The following ATP8A2 variants were observed in gnomAD, a reference collection of about 807,000 sequenced individuals.
ATP8A2 encodes the protein phospholipid-transporting ATPase IB.
In ATP8A2, 100 loss-of-function variants were observed where a neutral mutation model predicts 165.6. That is an observed-to-expected ratio of 0.60 (90% confidence interval 0.51 to 0.71). The LOEUF (loss-of-function observed/expected upper bound fraction) is 0.71, where lower values mean the gene tolerates loss of function less well. ATP8A2 is among the 30% of genes least tolerant of loss of function. ATP8A2 has a pLI of 0.00. For missense variants in ATP8A2, 1,227 were observed against 1,479.5 expected, an observed-to-expected ratio of 0.83 and a Z score of 2.80; for synonymous variants, 543 against 548.8, an observed-to-expected ratio of 0.99 and a Z score of 0.15.
intron 1 of ATP8A2, among the ~76,000 whole-genome samples, chr13:25,424,817 A>G (rs9511798): frequency 0.42 from 63,418 of 151,840 alleles, 14,276 homozygotes; most frequent in East Asian, 0.59. Context: ...AATTAGCTAG[A>G]TGTGGTGGTG....
chr13:25,536,176 G>A (rs1372522962), intron 6 of ATP8A2, among the ~76,000 whole-genome samples: 2 of 151,944 alleles, frequency 1.3e-5, no homozygotes. Flanking sequence ...CAGTGGTGCC[G>A]TCTTGGCTCA....
intron 25 of ATP8A2, among the ~76,000 whole-genome samples, chr13:25,719,297 A>G (rs1457812022): frequency 6.6e-6 from 1 of 151,724 alleles, no homozygotes; most frequent in Non-Finnish European, 1.5e-5. Context: ...AAGAAAAACA[A>G]TTTGTTGCTT....
chr13:25,606,474 G>T (rs1036915770), intron 24 of ATP8A2, among the ~76,000 whole-genome samples: 24 of 152,170 alleles, frequency 1.6e-4, no homozygotes, highest in Non-Finnish European at 2.6e-4. Flanking sequence ...TCTCTACTCT[G>T]CTTTCAATAG....
At chr13:25,511,664 A>AT (rs139798363) in intron 2 of ATP8A2, among the ~76,000 whole-genome samples, 31 of 151,850 alleles carry the variant, frequency 2.0e-4, no homozygotes, top group African/African-American at 5.8e-4. Context: ...TTTCATCTTC[A>AT]TTTTTTTTCT....
chr13:25,518,879 G>T (rs1040381283), intron 2 of ATP8A2, among the ~76,000 whole-genome samples: 5 of 152,160 alleles, frequency 3.3e-5, no homozygotes, highest in African/African-American at 1.2e-4. Context: ...CCCATGAGTT[G>T]GGCTCCTCAG....
chr13:25,846,722 T>A (rs946698396), intron 30 of ATP8A2, among the ~76,000 whole-genome samples: 14 of 152,186 alleles, frequency 9.2e-5, no homozygotes, highest in African/African-American at 3.4e-4. Flanking sequence ...CAGGCCAGGA[T>A]AATGATTGGA....
In ATP8A2 at chr13:25,913,826, C is replaced by T. The variant is rs1954191140; in HGVS notation, c.3184-47749C>T. ...CTCTGGGAGCAGCTCTGGTTTTTAT[C>T]CCAGAAAGTGTATCCTTTAGCAGGA... On this transcript the variant is annotated intron_variant, in intron 33 of 36. Transcript: ENST00000381655. 2.0e-5 allele frequency among the ~76,000 whole-genome samples: 3 copies of T among 152,228 alleles called. No individual in the cohort carries two copies. The South Asian group carries it at 6.2e-4, about 32-fold the overall frequency.
Position 26,020,298 on chromosome 13 carries a change from C to CATCA in ATP8A2, c.*314_*317dup. The CATCA allele has an allele frequency of 3.0e-6, 1 of 335,918 alleles. No homozygotes were observed. Among genetic ancestry groups the CATCA allele is most frequent in the Non-Finnish European group, 5.5e-6 (1 of 182,160 alleles). 20.8% of individuals were successfully genotyped at this position (335,918 alleles called of 1,614,324 possible). A position where few individuals can be genotyped will look rare whatever the true frequency, so the allele number is the denominator to read the frequency against. ...ACATTATGTTTCACCAATATTTAAA[C>CATCA]ATCAGTACTAGTTGTCCTGGGAGAA... On this transcript the variant is annotated 3_prime_UTR_variant, in exon 37 of 37. Coordinates refer to ENST00000381655, the MANE Select transcript of ATP8A2 (RefSeq NM_016529.6).
chr13:25,688,075 A>G (rs1186760200), intron 24 of ATP8A2, among the ~76,000 whole-genome samples: 2 of 152,058 alleles, frequency 1.3e-5, no homozygotes, highest in South Asian at 2.1e-4. Flanking sequence ...CACTGCCCCA[A>G]CAGCCAGACA....
chr13:25,727,573 C>T (rs1199554200), intron 25 of ATP8A2, among the ~76,000 whole-genome samples: 1 of 152,156 alleles, frequency 6.6e-6, no homozygotes, highest in East Asian at 1.9e-4. Flanking sequence ...CCGGAATAAA[C>T]TTTCCCAGAG....
intron 23 of ATP8A2, among the ~76,000 whole-genome samples, chr13:25,586,436 G>T (rs1004105795): frequency 6.6e-6 from 1 of 152,210 alleles, no homozygotes; most frequent in South Asian, 2.1e-4. Flanking sequence ...GGCCTGAAGG[G>T]TCTCAAGGGA....
chr13:25,497,914 A>G (rs559935429), intron 2 of ATP8A2, among the ~76,000 whole-genome samples: 2 of 152,278 alleles, frequency 1.3e-5, no homozygotes, highest in East Asian at 3.9e-4. Context: ...GTGAGCCGAG[A>G]TCGCGCCACT....
chr13:25,528,158 G>C (rs1195122582), intron 2 of ATP8A2, among the ~76,000 whole-genome samples: 3 of 152,116 alleles, frequency 2.0e-5, no homozygotes, highest in African/African-American at 7.2e-5. Context: ...ATTCTGGCCA[G>C]ATTTCACAGT....
At chr13:25,939,701 G>T (rs915637574) in intron 33 of ATP8A2, among the ~76,000 whole-genome samples, 4 of 152,118 alleles carry the variant, frequency 2.6e-5, no homozygotes, top group African/African-American at 9.7e-5. Context: ...CCTGGAATCT[G>T]TGTCATCCTC....
intron 2 of ATP8A2, among the ~76,000 whole-genome samples, chr13:25,510,904 A>T (rs1181819017): frequency 6.6e-6 from 1 of 152,246 alleles, no homozygotes; most frequent in Non-Finnish European, 1.5e-5. Flanking sequence ...GGTAGCTAAA[A>T]GTTGAAAGAG....
Position 25,968,697 on chromosome 13 carries a change from A to G in ATP8A2, c.3377+18A>G. 1.3e-6 allele frequency: 2 copies of G among 1,588,376 alleles called. No homozygotes were observed. The highest frequency in any genetic ancestry group is 1.7e-6 in the Non-Finnish European group (2 of 1,158,786). On this transcript the variant is annotated intron_variant, in intron 35 of 36. Coordinates refer to ENST00000381655, the MANE Select transcript of ATP8A2 (RefSeq NM_016529.6). The stretch of plus-strand genomic sequence containing the variant: ...GGAAAGAGGTGGGGAACTCCGTCCC[A>G]GTCCGCACAGAACACAGGTGCTCCC...
chr13:25,808,914 G>A (rs1034027493), intron 27 of ATP8A2, among the ~76,000 whole-genome samples: 1 of 152,070 alleles, frequency 6.6e-6, no homozygotes, highest in Non-Finnish European at 1.5e-5. Context: ...AGAGCTGAGA[G>A]GTTTTCCACA....
At chr13:25,837,958 G>A (rs1030155724) in intron 29 of ATP8A2, among the ~76,000 whole-genome samples, 15 of 152,212 alleles carry the variant, frequency 9.9e-5, no homozygotes, top group East Asian at 3.9e-4. Flanking sequence ...TGTCATTTGC[G>A]GCTGAATGTG....
intron 25 of ATP8A2, among the ~76,000 whole-genome samples, chr13:25,742,196 G>A (rs2043929576): frequency 6.6e-6 from 1 of 152,098 alleles, no homozygotes; most frequent in Non-Finnish European, 1.5e-5. Context: ...TTGCAACACA[G>A]TGGTAAGTAT....
Sources: allele counts gnomAD v4.1 joint callset (sites outside exome capture counted in the v4.1 genomes callset), GRCh38; gene constraint gnomAD v4.1.1; transcripts MANE v1.5; gene names NCBI Gene and HGNC (gene_info 2026-07-23, HGNC 2026-07-21).